The following CNIH3 variants were observed in gnomAD, a reference collection of about 807,000 sequenced individuals.
CNIH3 encodes the protein protein cornichon homolog 3.
In CNIH3, 14 loss-of-function variants were observed where a neutral mutation model predicts 24.1. That is an observed-to-expected ratio of 0.58 (90% CI 0.38 to 0.91). The LOEUF (loss-of-function observed/expected upper bound fraction) is 0.91, where lower values mean the gene tolerates loss of function less well. Among genes scored for constraint, CNIH3 ranks in the 40% least tolerant of loss-of-function variants. The probability of loss-of-function intolerance (pLI) is 0.00; values close to 1 mark genes in which losing one functional copy is unlikely to be tolerated. For missense variants in CNIH3, 178 were observed against 196.8 expected (o/e 0.90, Z 0.57); for synonymous variants, 68 against 73.8 (o/e 0.92, Z 0.40).
chr1:224,599,909 G>T (rs1190319364), intron 3 of CNIH3, among the ~76,000 whole-genome samples: 1 of 152,048 alleles, frequency 6.6e-6, no homozygotes. Flanking sequence ...AACTCTCTTT[G>T]CATTACAGCA....
intron 3 of CNIH3, among the ~76,000 whole-genome samples, chr1:224,597,548 G>T (rs903092662): frequency 6.6e-6 from 1 of 152,104 alleles, no homozygotes; most frequent in African/African-American, 2.4e-5. Context: ...ATTTATAAAA[G>T]GTCCAAGAGT....
At chr1:224,701,899 A>G (rs2125175344) in intron 3 of CNIH3, among the ~76,000 whole-genome samples, 1 of 152,308 alleles carries the variant, frequency 6.6e-6, no homozygotes, top group East Asian at 1.9e-4. Context: ...CAGTTATAAA[A>G]ATAATATGTT....
chr1:224,502,660 A>T (rs530290849), intron 1 of CNIH3, among the ~76,000 whole-genome samples: 2 of 148,488 alleles, frequency 1.3e-5, no homozygotes, highest in South Asian at 4.3e-4. Flanking sequence ...TTACTGAGCA[A>T]CCCCCCTGCT....
intron 1 of CNIH3, among the ~76,000 whole-genome samples, chr1:224,462,030 T>C (rs1018805724): frequency 1.3e-5 from 2 of 152,146 alleles, no homozygotes; most frequent in Non-Finnish European, 2.9e-5. Context: ...CTGTTGTAGG[T>C]TCACAGCAAA....
At chr1:224,737,965 C>T (rs571495477) in intron 5 of CNIH3, among the ~76,000 whole-genome samples, 6 of 152,220 alleles carry the variant, frequency 3.9e-5, no homozygotes, top group South Asian at 2.1e-4. Context: ...GATTTTTTTC[C>T]GACCTGAAGT....
chr1:224,589,628 A>G (rs531225514), downstream of CNIH3, among the ~76,000 whole-genome samples: 2 of 152,328 alleles, frequency 1.3e-5, no homozygotes, highest in Non-Finnish European at 2.9e-5. Context: ...TTTGATGAGA[A>G]GAAAAGATTT....
chr1:224,467,487 G>A (rs183522908), intron 1 of CNIH3, among the ~76,000 whole-genome samples: 20 of 152,204 alleles, frequency 1.3e-4, no homozygotes, highest in African/African-American at 4.3e-4. Context: ...GCAATAGTGC[G>A]ATCTCAGCTC....
intron 3 of CNIH3, among the ~76,000 whole-genome samples, chr1:224,705,887 C>T (rs1372297626): frequency 7.9e-6 from 1 of 126,956 alleles, no homozygotes; most frequent in Non-Finnish European, 1.6e-5. Flanking sequence ...GCTGAACCTA[C>T]CCATTCTTTA....
At chr1:224,700,603 C>T (rs1687433036) in intron 3 of CNIH3, among the ~76,000 whole-genome samples, 1 of 152,160 alleles carries the variant, frequency 6.6e-6, no homozygotes, top group Admixed American at 6.5e-5. Context: ...CTTGGATCCT[C>T]TTTCATTGGG....
intron 3 of CNIH3, among the ~76,000 whole-genome samples, chr1:224,608,611 G>A (rs1001604778): frequency 5.9e-5 from 9 of 152,214 alleles, no homozygotes; most frequent in African/African-American, 2.2e-4. Flanking sequence ...TTAGGTCAGG[G>A]GTCGATCTTT....
At chr1:224,694,222 G>C (rs1047769258) in intron 3 of CNIH3, among the ~76,000 whole-genome samples, 1 of 152,224 alleles carries the variant, frequency 6.6e-6, no homozygotes, top group African/African-American at 2.4e-5. Flanking sequence ...GCTATGTCCT[G>C]GCTGTGTGTG....
chr1:224,715,768 A>G (rs1688397221), intron 3 of CNIH3, among the ~76,000 whole-genome samples: 1 of 152,054 alleles, frequency 6.6e-6, no homozygotes, highest in African/African-American at 2.4e-5. Context: ...AGAGTGGAGA[A>G]TTCACTCATT....
At chr1:224,442,887 T>A (rs1674981576) in intron 1 of CNIH3, among the ~76,000 whole-genome samples, 1 of 152,248 alleles carries the variant, frequency 6.6e-6, no homozygotes, top group South Asian at 2.1e-4. Context: ...GCAAGTCCTA[T>A]ACGTTCATTT....
chr1:224,608,438 A>G (rs1401558197), intron 3 of CNIH3, among the ~76,000 whole-genome samples: 1 of 152,148 alleles, frequency 6.6e-6, no homozygotes, highest in Non-Finnish European at 1.5e-5. Flanking sequence ...AAGGGCTTAC[A>G]ACTCTAAGGG....
intron 3 of CNIH3, among the ~76,000 whole-genome samples, chr1:224,605,157 C>T (rs971447133): frequency 1.3e-5 from 2 of 152,124 alleles, no homozygotes; most frequent in Non-Finnish European, 2.9e-5. Context: ...AGCAAAGTAC[C>T]GCAAACAGGA....
chr1:224,436,848 G>A (rs1269501220), intron 1 of CNIH3: 1 of 152,138 alleles, frequency 6.6e-6, no homozygotes, highest in Non-Finnish European at 1.5e-5. Context: ...CTTTCTTTTT[G>A]GCTTCATCTC....
Position 224,616,397 on chromosome 1 carries a change from CT to C in CNIH3, c.-777del. On this transcript the variant is annotated 5_prime_UTR_variant, in exon 1 of 6. Transcript: ENST00000272133. The stretch of plus-strand genomic sequence containing the variant: ...GCTACAGCGTTTGGCCTGAAACCCA[CT>C]GCTGCAGCCACCCGGGCTGGAGTTG... 3.3e-6 allele frequency: 3 copies of C among 910,744 alleles called. No homozygotes were observed. The highest frequency in any genetic ancestry group is 4.0e-6 in the Non-Finnish European group (3 of 754,294). The allele number at this position is 910,744 out of a possible 1,614,324, so 56.4% of individuals were successfully genotyped here.
intron 2 of CNIH3, chr1:224,521,541 A>G (rs972564838): frequency 2.5e-4 from 38 of 152,338 alleles, no homozygotes; most frequent in African/African-American, 8.2e-4. Flanking sequence ...GAGCCCGGTC[A>G]GTGAGGTTTA....
At chr1:224,467,519 G>C (rs1340033674) in intron 1 of CNIH3, among the ~76,000 whole-genome samples, 2 of 152,180 alleles carry the variant, frequency 1.3e-5, no homozygotes, top group African/African-American at 4.8e-5. Flanking sequence ...TGCCTCCTGG[G>C]TTCAAGCAAT....
Sources: gnomAD v4.1 joint callset for allele counts (sites outside exome capture counted in the v4.1 genomes callset) on GRCh38, gnomAD v4.1.1 for gene constraint, MANE v1.5 for transcripts, NCBI Gene and HGNC (gene_info 2026-07-23, HGNC 2026-07-21) for gene names.